Variants in MAGI2 observed in about 807,000 individuals in gnomAD.
MAGI2 encodes membrane associated guanylate kinase, WW and PDZ domain containing 2, also known as membrane-associated guanylate kinase, WW and PDZ domain-containing protein 2.
Under a neutral mutation model 133.3 loss-of-function variants are expected in MAGI2, and 35 were observed. The observed-to-expected ratio is 0.26, with a 90% CI of 0.20 to 0.35. The LOEUF (loss-of-function observed/expected upper bound fraction) is 0.35, where lower values mean the gene tolerates loss of function less well. Among genes scored for constraint, MAGI2 ranks in the 10% least tolerant of loss-of-function variants. The pLI is 1.00. For missense variants in MAGI2, 1,636 were observed against 1,863.4 expected (o/e 0.88, Z 2.25); for synonymous variants, 729 against 710.6 (o/e 1.03, Z -0.41).
chr7:78,436,300 G>A (rs1042690479), intron 6 of MAGI2, among the ~76,000 whole-genome samples: 3 of 152,024 alleles, frequency 2.0e-5, no homozygotes, highest in Non-Finnish European at 4.4e-5. Flanking sequence ...GAGCAATGAA[G>A]TGAAAACCAA....
intron 2 of MAGI2, among the ~76,000 whole-genome samples, chr7:78,699,269 A>G (rs1161319697): frequency 6.6e-6 from 1 of 152,100 alleles, no homozygotes; most frequent in East Asian, 1.9e-4. Flanking sequence ...TGCTCAGCTA[A>G]TTTAAATTTT....
intron 7 of MAGI2, among the ~76,000 whole-genome samples, chr7:78,346,600 A>G (rs372418165): frequency 2.0e-5 from 3 of 152,184 alleles, no homozygotes; most frequent in East Asian, 1.9e-4. Context: ...AAATCAAGCA[A>G]AAGTAGAGAA....
intron 2 of MAGI2, among the ~76,000 whole-genome samples, chr7:78,719,398 C>A (rs565987691): frequency 6.6e-6 from 1 of 152,100 alleles, no homozygotes; most frequent in Non-Finnish European, 1.5e-5. Flanking sequence ...TGTAAGTGAC[C>A]TTCAAATAAC....
chr7:78,481,620 A>T (rs775536172), intron 6 of MAGI2, among the ~76,000 whole-genome samples: 2 of 151,868 alleles, frequency 1.3e-5, no homozygotes, highest in Admixed American at 6.6e-5. Flanking sequence ...ACAGAATCCA[A>T]CAGTTTATGA....
chr7:78,834,402 C>T (rs967814550), intron 2 of MAGI2, among the ~76,000 whole-genome samples: 2 of 152,140 alleles, frequency 1.3e-5, no homozygotes, highest in African/African-American at 4.8e-5. Context: ...CCACTTTCTG[C>T]CTCTATAGAG....
chr7:78,639,256 A>G (rs768449765), intron 2 of MAGI2, among the ~76,000 whole-genome samples: 17 of 152,206 alleles, frequency 1.1e-4, no homozygotes, highest in Non-Finnish European at 2.2e-4. Flanking sequence ...AGATGAAAGA[A>G]AGAGGGCAGT....
chr7:78,373,567 T>G (rs1195441475), intron 6 of MAGI2, among the ~76,000 whole-genome samples: 1 of 151,974 alleles, frequency 6.6e-6, no homozygotes, highest in Non-Finnish European at 1.5e-5. Flanking sequence ...GGAGGGCTCC[T>G]ACTCACACTT....
chr7:79,412,997 C>T (rs1846245460), intron 1 of MAGI2: 1 of 152,100 alleles, frequency 6.6e-6, no homozygotes, highest in South Asian at 2.1e-4. Context: ...AAAAGAATGT[C>T]AGAATACAGT....
intron 5 of MAGI2, among the ~76,000 whole-genome samples, chr7:78,492,943 G>T (rs538936282): frequency 6.6e-6 from 1 of 152,230 alleles, no homozygotes; most frequent in African/African-American, 2.4e-5. Context: ...GTATTTTTAG[G>T]ATAAAGCTAA....
At chr7:79,336,098 A>G (rs2129095176) in intron 1 of MAGI2, among the ~76,000 whole-genome samples, 1 of 152,224 alleles carries the variant, frequency 6.6e-6, no homozygotes. Context: ...ATTCAGAAGG[A>G]CAAAAATTGT....
intron 2 of MAGI2, among the ~76,000 whole-genome samples, chr7:78,793,926 T>C (rs1787385980): frequency 6.6e-6 from 1 of 152,184 alleles, no homozygotes; most frequent in Admixed American, 6.5e-5. Flanking sequence ...CTGTCTCATG[T>C]AGGTATTTAA....
chr7:78,399,121 A>G (rs1325445568), intron 6 of MAGI2, among the ~76,000 whole-genome samples: 2 of 152,218 alleles, frequency 1.3e-5, no homozygotes, highest in Non-Finnish European at 2.9e-5. Flanking sequence ...CAATAAAGAA[A>G]TGAAAAATCC....
chr7:78,812,186 C>G (rs1789123407), intron 2 of MAGI2, among the ~76,000 whole-genome samples: 1 of 152,058 alleles, frequency 6.6e-6, no homozygotes, highest in East Asian at 1.9e-4. Context: ...TCCAATGAAA[C>G]CCATGTCACA....
At chr7:78,559,478 CAGTT>C (rs1296213190) in intron 3 of MAGI2, among the ~76,000 whole-genome samples, 1 of 151,944 alleles carries the variant, frequency 6.6e-6, no homozygotes, top group Admixed American at 6.6e-5. Flanking sequence ...TCATTTAAAG[CAGTT>C]AGTGATTTTG....
At chr7:79,325,468 CACA>C (rs1381225291) in intron 1 of MAGI2, among the ~76,000 whole-genome samples, 1 of 152,092 alleles carries the variant, frequency 6.6e-6, no homozygotes, top group Non-Finnish European at 1.5e-5. Flanking sequence ...TTTCTCAAAT[CACA>C]ACAACAGACT....
intron 15 of MAGI2, among the ~76,000 whole-genome samples, chr7:78,164,790 A>G (rs1825457969): frequency 6.6e-6 from 1 of 152,270 alleles, no homozygotes; most frequent in Non-Finnish European, 1.5e-5. Context: ...CATCAATTCT[A>G]GATTTACACT....
At chr7:78,981,367 C>T (rs773277780) in intron 2 of MAGI2, among the ~76,000 whole-genome samples, 9 of 151,548 alleles carry the variant, frequency 5.9e-5, no homozygotes, top group Non-Finnish European at 1.0e-4. Context: ...TTTCAGCAGA[C>T]AAAACCTCCA....
intron 2 of MAGI2, among the ~76,000 whole-genome samples, chr7:78,756,422 T>G (rs1823952882): frequency 6.6e-6 from 1 of 152,128 alleles, no homozygotes; most frequent in African/African-American, 2.4e-5. Context: ...TATAATATAT[T>G]TAGTTATTTT....
At chr7:78,766,217 T>C (rs886473) in intron 2 of MAGI2, among the ~76,000 whole-genome samples, 134,120 of 152,192 alleles carry the variant, frequency 0.88, 59,181 homozygotes, top group East Asian at 1. Context: ...TCCAAAGTTT[T>C]AGAACAAATC....
Sources: gnomAD v4.1 joint callset for allele counts (sites outside exome capture counted in the v4.1 genomes callset) on GRCh38, gnomAD v4.1.1 for gene constraint, MANE v1.5 for transcripts, NCBI Gene and HGNC (gene_info 2026-07-23, HGNC 2026-07-21) for gene names.